The following LAMA5 variants were observed in gnomAD, a reference collection of about 807,000 sequenced individuals.
The protein encoded by LAMA5 is laminin subunit alpha 5.
Under a neutral mutation model 433.4 loss-of-function variants are expected in LAMA5, and 260 were observed. The observed-to-expected ratio is 0.60, with a 90% CI of 0.54 to 0.66. The LOEUF is 0.66. Ranked by LOEUF, LAMA5 falls within the 30% of genes least tolerant of loss-of-function variation. The probability of loss-of-function intolerance (pLI) is 0.00; values close to 1 mark genes in which losing one functional copy is unlikely to be tolerated. For synonymous variants in LAMA5, 2,620 were observed against 2,226.6 expected (o/e 1.18, Z -4.97); for missense variants, 5,378 against 5,258.5 (o/e 1.02, Z -0.70).
At position 62,314,315 on chromosome 20, in the gene LAMA5, G is replaced by T. The variant is rs1438985749; in HGVS notation, c.8493C>A (p.Val2831=). 6.2e-7 allele frequency: 1 copy of T among 1,613,166 alleles called. No homozygotes were observed. The change falls in exon 62 of 80, where the codon GTC becomes GTA. Residue 2831 remains valine, a synonymous_variant. Transcript: ENST00000252999. The stretch of plus-strand genomic sequence containing the variant: ...CCTGGGCCTCCCACCTGTCCAGGCT[G>T]ACAGCTGCGAACTGCTCCCCAATGT... ...DEDIGEQFAA[V]SLDRTLQFGH...
rs62204518 is a variant in LAMA5 at position 62,325,178 on chromosome 20, T to C, written c.5529+138A>G. ...GGCCCATGAGTTGGCCAGCAGCCTGTGAAAAGCAGGGGCAGGAAGAGAGGT... is the reference window on the plus strand; with the variant it reads ...GGCCCATGAGTTGGCCAGCAGCCTGCGAAAAGCAGGGGCAGGAAGAGAGGT... On this transcript the variant is annotated intron_variant, in intron 41 of 79. Transcript: ENST00000252999. 0.9 allele frequency: 584,134 copies of C among 647,202 alleles called. 264,318 individuals carry two copies. Among genetic ancestry groups the C allele is most frequent in the East Asian group, 0.98 (34,317 of 34,886 alleles). The allele number at this position is 647,202 out of a possible 1,614,324, so 40.1% of individuals were successfully genotyped here. A position where few individuals can be genotyped will look rare whatever the true frequency, so the allele number is the denominator to read the frequency against.
At position 62,314,691 on chromosome 20, in the gene LAMA5, CCT is replaced by C. The variant is rs752705962; in HGVS notation, c.8229_8230del (p.Val2745AlafsTer27). The stretch of plus-strand genomic sequence containing the variant: ...ATCCCGTGGGGTGCGCAGCTGCACC[CCT>C]GAGCGCCCGTTGAACTTCATGGGCA... On this transcript the variant is annotated frameshift_variant, in exon 61 of 80. Transcript: ENST00000252999. LOFTEE classifies it high-confidence loss of function. 7 of 1,612,670 alleles carry C rather than the reference CCT, an allele frequency of 4.3e-6. No homozygotes were observed. The highest frequency in any genetic ancestry group is 1.1e-5 in the South Asian group (1 of 91,076).
At position 62,314,871 on chromosome 20, in the gene LAMA5, G is replaced by A. The variant is rs1278345455; in HGVS notation, c.8124C>T (p.Ala2708=). ...CAATGCTGGCGGACAGGGCCAGGCT[G>A]GCGTTGTGCACCCCACGGTTCTCCA... ...SILENRGVHN[A]SLALSASIGR... is the part of the protein sequence containing the mutation. The change falls in exon 60 of 80, where the codon GCC becomes GCT. Residue 2708 remains alanine (A), a synonymous_variant. Coordinates refer to ENST00000252999, the MANE Select transcript of LAMA5 (RefSeq NM_005560.6). 1.2e-6 allele frequency: 2 copies of A among 1,612,270 alleles called. No homozygotes were observed. The highest frequency in any genetic ancestry group is 1.1e-5 in the South Asian group (1 of 91,066).
chr20:62,311,000 A>G lies in LAMA5; in HGVS notation c.10183T>C (p.Phe3395Leu). ...LRPGSPSLAL[F>L]LSNGHFVAQM... ...GCAACGAAGTGGCCATTGCTCAGGA[A>G]GAGCGCCAGGGAGGGGCTGCCGGGC... Residue 3395 changes from phenylalanine (F) to leucine (L), a missense_variant, in exon 74 of 80, where the codon TTC becomes CTC. By Grantham distance (22) the Phe-to-Leu change is conservative. Transcript: ENST00000252999. 1.2e-6 allele frequency: 2 copies of G among 1,611,066 alleles called. No individual in the cohort carries two copies. Among genetic ancestry groups the G allele is most frequent in the Non-Finnish European group, 1.7e-6 (2 of 1,179,170 alleles).
At position 62,310,199 on chromosome 20, in the gene LAMA5, C is replaced by T; in HGVS notation, c.10713G>A (p.Gln3571=). 1.9e-6 allele frequency: 3 copies of T among 1,612,598 alleles called. No homozygotes were observed. Among genetic ancestry groups the T allele is most frequent in the Non-Finnish European group, 2.5e-6 (3 of 1,179,972 alleles). ...TTACTTGCTTCTCGGTCACCTGCAA[C>T]TGCAAGTAGGGGGGCGTCCGGGCCT... ...LGQARTPPYL[Q]LQVTEKQVLL... Residue 3571 remains glutamine, a synonymous_variant, in exon 77 of 80, where the codon CAG becomes CAA. Coordinates refer to ENST00000252999, the MANE Select transcript of LAMA5 (RefSeq NM_005560.6).
At position 62,334,641 on chromosome 20, in the gene LAMA5, G is replaced by A. The variant is rs1028467792; in HGVS notation, c.2483-20C>T. ...GGCAGCCTGCAGGGAGAAGGTGGGA[G>A]GTCAGAGGCTGCCTGGCCCCCACCC... On this transcript the variant is annotated intron_variant, in intron 20 of 79. Coordinates refer to ENST00000252999, the MANE Select transcript of LAMA5 (RefSeq NM_005560.6). The A allele has an allele frequency of 1.5e-5, 23 of 1,538,552 alleles. No individual in the cohort carries two copies. Among genetic ancestry groups the A allele is most frequent in the Non-Finnish European group, 2.0e-5 (23 of 1,143,132 alleles).
chr20:62,329,359 G>A (rs909707336), intron 32 of LAMA5, 106 bp from the exon 33 acceptor site: 12 of 801,532 alleles, frequency 1.5e-5, no homozygotes, highest in Non-Finnish European at 2.4e-5. Context: ...CAGAGTCCTG[G>A]CAGCAGCAGC....
intron 3 of LAMA5, 105 bp from the exon 4 acceptor site, chr20:62,352,465 C>G (rs1006736979): frequency 3.3e-5 from 28 of 840,938 alleles, no homozygotes; most frequent in Non-Finnish European, 5.1e-5. Flanking sequence ...CTGAGGCTCC[C>G]ACAGGCCAAG....
chr20:62,327,205 C>A (rs1312550558), intron 38 of LAMA5, 28 bp downstream of exon 38: 12 of 1,471,884 alleles, frequency 8.2e-6, no homozygotes, highest in Non-Finnish European at 1.1e-5. Flanking sequence ...CCTCAAAGTG[C>A]CTCCCCCAGA....
At chr20:62,336,901 TGCC>T in intron 16 of LAMA5, 115 bp from the exon 17 acceptor site, 1 of 1,048,938 alleles carries the variant, frequency 9.5e-7, no homozygotes, top group Non-Finnish European at 1.4e-6. Context: ...CCAGCACAGG[TGCC>T]TCTCATCCAC....
Position 62,318,442 on chromosome 20 carries a change from C to G in LAMA5, c.7239+12G>C. 1 of 1,575,318 alleles carries G rather than the reference C, an allele frequency of 6.3e-7. No individual in the cohort carries two copies. Among genetic ancestry groups the G allele is most frequent in the Non-Finnish European group, 8.6e-7 (1 of 1,166,152 alleles). ...AGAGGAGCAGGAGGAAGAACAAGTC[C>G]GGGGTCCTCACCAGGGCTTCCTCCA... On this transcript the variant is annotated intron_variant, in intron 53 of 79. Coordinates refer to ENST00000252999, the MANE Select transcript of LAMA5 (RefSeq NM_005560.6).
intron 6 of LAMA5, among the ~76,000 whole-genome samples, chr20:62,348,650 A>C (rs1983733155): frequency 6.6e-6 from 1 of 152,028 alleles, no homozygotes; most frequent in South Asian, 2.1e-4. Context: ...AAAACATAAT[A>C]ATAAAAAAAA....
At position 62,312,708 on chromosome 20, in the gene LAMA5, C is replaced by T. The variant is rs149010216; in HGVS notation, c.9151G>A (p.Val3051Met). The change falls in exon 67 of 80, where the codon GTG becomes ATG. Residue 3051 changes from valine to methionine, a missense_variant. By Grantham distance (21) the Val-to-Met change is conservative. Transcript: ENST00000252999. ...VRVERATVYS[V>M]EQDNDLELAD... ...AGCTCCAGATCATTGTCCTGCTCCA[C>T]GCTGTACACCGTGGCCCGCTCCACA... The T allele has an allele frequency of 8.7e-6, 14 of 1,602,922 alleles. No individual in the cohort carries two copies. The highest frequency in any genetic ancestry group is 6.8e-5 in the East Asian group (3 of 44,082).
intron 1 of LAMA5, among the ~76,000 whole-genome samples, chr20:62,364,159 G>A (rs899805994): frequency 2.0e-5 from 3 of 152,180 alleles, no homozygotes; most frequent in Non-Finnish European, 4.4e-5. Context: ...TAAGCGCCAC[G>A]ACCCCTACCC....
intron 47 of LAMA5, 34 bp downstream of exon 47, chr20:62,322,235 C>T (rs749037822): frequency 9.5e-5 from 148 of 1,562,866 alleles, no homozygotes; most frequent in Non-Finnish European, 1.2e-4. Context: ...CTCAGAAGTC[C>T]CCATCCGCCC....
chr20:62,362,532 G>A lies in LAMA5; in HGVS notation c.318C>T (p.Cys106=), dbSNP rs1430819164. 3.1e-6 allele frequency: 5 copies of A among 1,596,510 alleles called. No homozygotes were observed. The highest frequency in any genetic ancestry group is 4.3e-6 in the Non-Finnish European group (5 of 1,170,444). Residue 106 remains cysteine, a synonymous_variant, in exon 2 of 80, where the codon TGC becomes TGT. Transcript: ENST00000252999. ...GTGCCTTGTTGCTGTTGGCAGCCGT[G>A]CAGATGTCACAGTACTGGCCCTGCA... ...QTIRGQYCDI[C]TAANSNKAHP... is the part of the protein sequence containing the mutation.
rs777606498 is a variant in LAMA5 at position 62,352,378 on chromosome 20, A to T, written c.569-18T>A. 6.3e-7 allele frequency: 1 copy of T among 1,577,308 alleles called. No individual in the cohort carries two copies. Among genetic ancestry groups the T allele is most frequent in the South Asian group, 1.1e-5 (1 of 90,220 alleles). On this transcript the variant is annotated intron_variant, in intron 3 of 79. Transcript: ENST00000252999. ...CTTGGAGGCTGCGGGGAATGGCGGG[A>T]GGGGAGGGCGCTGGATCACCAGAAA...
At position 62,314,330 on chromosome 20, in the gene LAMA5, C is replaced by T. The variant is rs1468257480; in HGVS notation, c.8478G>A (p.Glu2826=). ...TGTCCAGGCTGACAGCTGCGAACTG[C>T]TCCCCAATGTCCTCATCGATGCTTA... The part of the protein sequence containing the change: ...AVLSIDEDIG[E]QFAAVSLDRT... Residue 2826 remains glutamate (E), a synonymous_variant, in exon 62 of 80, where the codon GAG becomes GAA. Transcript: ENST00000252999. The T allele has an allele frequency of 7.4e-6, 12 of 1,613,282 alleles. No individual in the cohort carries two copies. Among genetic ancestry groups the T allele is most frequent in the East Asian group, 2.2e-5 (1 of 44,870 alleles).
Position 62,324,265 on chromosome 20 carries a change from G to T in LAMA5, c.5644-61C>A. On this transcript the variant is annotated intron_variant, in intron 42 of 79. Transcript: ENST00000252999. The surrounding 1 kb of genome is among the most constrained non-coding windows in gnomAD (Gnocchi z 4.4). ...ACCCACATCCTACTGCCGAGTCTGT[G>T]CAGCTCCCACCACCCCTGCCTCAGA... 1 of 1,564,906 alleles carries T rather than the reference G, an allele frequency of 6.4e-7. No homozygotes were observed.
Sources: allele counts gnomAD v4.1 joint callset (sites outside exome capture counted in the v4.1 genomes callset), GRCh38; gene constraint gnomAD v4.1.1; non-coding constraint Gnocchi (gnomAD v3.1); transcripts MANE v1.5; gene names NCBI Gene and HGNC (gene_info 2026-07-23, HGNC 2026-07-21).